HIVEP2: variants seen among roughly 807,000 people sequenced by gnomAD.
HIVEP2 encodes the protein HIVEP zinc finger 2.
A neutral mutation model predicts 180.7 loss-of-function variants in HIVEP2; 14 were observed. The ratio of observed to expected loss-of-function variants is 0.08; its 90% CI spans 0.05 to 0.12. HIVEP2 has a LOEUF of 0.12. HIVEP2 is among the 10% of genes least tolerant of loss of function. HIVEP2 has a pLI of 1.00. For synonymous variants in HIVEP2, 1,184 were observed against 1,136.4 expected (o/e 1.04, Z -0.84); for missense variants, 2,579 against 3,008.5 (o/e 0.86, Z 3.34).
chr6:142,812,015 T>C (rs1400545116), intron 2 of HIVEP2, among the ~76,000 whole-genome samples: 1 of 152,132 alleles, frequency 6.6e-6, no homozygotes, highest in Non-Finnish European at 1.5e-5. Context: ...AACTCTACAA[T>C]TGCCCCAGCA....
At chr6:142,930,110 A>C (rs775709327) in intron 1 of HIVEP2, among the ~76,000 whole-genome samples, 1 of 152,208 alleles carries the variant, frequency 6.6e-6, no homozygotes, top group Non-Finnish European at 1.5e-5. Context: ...TCTGAGGTCC[A>C]CATCCTATTT....
At chr6:142,822,743 G>A (rs1477398649) in intron 2 of HIVEP2, among the ~76,000 whole-genome samples, 1 of 152,104 alleles carries the variant, frequency 6.6e-6, no homozygotes. Flanking sequence ...GATTCACAAA[G>A]AGAAATAAAG....
At chr6:142,882,779 C>T (rs949436336) in intron 1 of HIVEP2, among the ~76,000 whole-genome samples, 10 of 152,054 alleles carry the variant, frequency 6.6e-5, no homozygotes, top group South Asian at 2.1e-4. Context: ...ATAACGCTGG[C>T]GTAATGTACC....
At chr6:142,797,548 G>A (rs1776306631) in intron 2 of HIVEP2, among the ~76,000 whole-genome samples, 2 of 152,020 alleles carry the variant, frequency 1.3e-5, no homozygotes, top group South Asian at 4.2e-4. Context: ...ATGTGCTTGG[G>A]GCGCCCAGAT....
chr6:142,885,657 T>C (rs1003744970), intron 1 of HIVEP2, among the ~76,000 whole-genome samples: 2 of 152,136 alleles, frequency 1.3e-5, no homozygotes, highest in African/African-American at 2.4e-5. Context: ...CAGCCTACAT[T>C]TAGACTTTCT....
intron 1 of HIVEP2, among the ~76,000 whole-genome samples, chr6:142,873,339 G>A (rs563058621): frequency 9.8e-4 from 149 of 152,250 alleles, no homozygotes; most frequent in African/African-American, 3.4e-3. Context: ...CCCAAAAGAA[G>A]TGGATACCTT....
rs939482727 is a variant in HIVEP2 at position 142,774,546 on chromosome 6, C to A, written c.193G>T (p.Gly65Cys). The stretch of plus-strand genomic sequence containing the variant: ...CTAGGGGAGGCCAGTTTCCCAGAAC[C>A]AAACAGTTGTGCTGATGCTGTGTTT... The part of the protein sequence containing the change: ...IGNTASAQLF[G>C]SGKLASPSEV... The change falls in exon 5 of 10, where the codon GGT becomes TGT. Residue 65 changes from glycine (G) to cysteine (C), a missense_variant. Physicochemically the swap from Gly to Cys is radical, Grantham distance 159. Around this residue, in one of 11 missense-constraint regions of HIVEP2, gnomAD observed 207 missense variants for 210.1 expected, o/e 0.99. Coordinates refer to ENST00000367603, the MANE Select transcript of HIVEP2 (RefSeq NM_006734.4). This position sits in a 1 kb window ranked among gnomAD's most constrained non-coding sequence, Gnocchi z 5.1. 2 of 1,614,202 alleles carry A rather than the reference C, an allele frequency of 1.2e-6. No individual in the cohort carries two copies. Among genetic ancestry groups the A allele is most frequent in the South Asian group, 1.1e-5 (1 of 91,082 alleles).
At position 142,760,813 on chromosome 6, in the gene HIVEP2, A is replaced by G. The variant is rs1775212621; in HGVS notation, c.5621-146T>C. 4 of 619,058 alleles carry G rather than the reference A, an allele frequency of 6.5e-6. No homozygotes were observed. The Admixed American group carries it at 9.3e-5, about 14-fold the overall frequency. 38.3% of individuals were successfully genotyped at this position (619,058 alleles called of 1,614,324 possible). A position where few individuals can be genotyped will look rare whatever the true frequency, so the allele number is the denominator to read the frequency against. Reference sequence around the variant, plus strand: ...TCTGAGAACTCCTATAAAATGAGGCACTTACCTGTGTGACCCTGCGTTCAT... The same window carrying G: ...TCTGAGAACTCCTATAAAATGAGGCGCTTACCTGTGTGACCCTGCGTTCAT... On this transcript the variant is annotated intron_variant, in intron 8 of 9. Coordinates refer to ENST00000367603, the MANE Select transcript of HIVEP2 (RefSeq NM_006734.4).
chr6:142,899,438 C>G (rs570676051), intron 1 of HIVEP2, among the ~76,000 whole-genome samples: 1 of 152,312 alleles, frequency 6.6e-6, no homozygotes, highest in African/African-American at 2.4e-5. Context: ...CAGACTGCAG[C>G]CTTCACTTCT....
intron 1 of HIVEP2, among the ~76,000 whole-genome samples, chr6:142,930,582 A>G (rs1356724793): frequency 6.6e-6 from 1 of 152,208 alleles, no homozygotes; most frequent in Non-Finnish European, 1.5e-5. Context: ...TCTCTGGACA[A>G]TAACAAGATG....
At chr6:142,815,192 TG>T (rs763696715) in intron 2 of HIVEP2, among the ~76,000 whole-genome samples, 11 of 152,190 alleles carry the variant, frequency 7.2e-5, no homozygotes, top group Non-Finnish European at 1.5e-4. Flanking sequence ...ACTGTTGCAC[TG>T]GGGATTAAGT....
chr6:142,855,644 G>A (rs117926366), intron 1 of HIVEP2, among the ~76,000 whole-genome samples: 3,805 of 152,282 alleles, frequency 0.025, 71 homozygotes, highest in Non-Finnish European at 0.04. Context: ...GCTGAGATAG[G>A]TTTTGTTCAT....
Position 142,771,682 on chromosome 6 carries a change from T to A in HIVEP2, c.3057A>T (p.Pro1019=), listed in dbSNP as rs746583829. ...VPAGSYSLSV[P]GHHHQKEMRR... ...GCATCTCTTTCTGGTGGTGATGGCC[T>A]GGGACAGACAATGAGTATGAACCAG... The change falls in exon 5 of 10, where the codon CCA becomes CCT. Residue 1019 remains proline (P), a synonymous_variant. Transcript: ENST00000367603. This position sits in a 1 kb window ranked among gnomAD's most constrained non-coding sequence, Gnocchi z 5.4. 11 of 1,614,214 alleles carry A rather than the reference T, an allele frequency of 6.8e-6. No individual in the cohort carries two copies.
At chr6:142,866,673 C>T (rs1176978742) in intron 1 of HIVEP2, among the ~76,000 whole-genome samples, 2 of 152,082 alleles carry the variant, frequency 1.3e-5, no homozygotes, top group Admixed American at 6.6e-5. Context: ...CTAAGGACAA[C>T]GAGGAGAATT....
chr6:142,814,183 T>C (rs898232741), intron 2 of HIVEP2, among the ~76,000 whole-genome samples: 3 of 152,182 alleles, frequency 2.0e-5, no homozygotes, highest in South Asian at 2.1e-4. Context: ...GTTCATCTAA[T>C]AGAGAAATTG....
intron 9 of HIVEP2, among the ~76,000 whole-genome samples, chr6:142,754,417 G>T (rs191280418): frequency 6.6e-6 from 1 of 152,152 alleles, no homozygotes; most frequent in East Asian, 1.9e-4. Context: ...TATATAATTG[G>T]AATGACAAGT....
rs184727064 is a variant in HIVEP2 at position 142,791,679 on chromosome 6, T to G, written c.-527-8064A>C. 9.0e-3 allele frequency among the ~76,000 whole-genome samples: 1,366 copies of G among 152,302 alleles called. 17 individuals are homozygous for G. Among genetic ancestry groups the G allele is most frequent in the Non-Finnish European group, 0.011 (753 of 68,022 alleles). On this transcript the variant is annotated intron_variant, in intron 2 of 9. Coordinates refer to ENST00000367603, the MANE Select transcript of HIVEP2 (RefSeq NM_006734.4). Reference sequence around the variant, plus strand: ...AATAAAACATTACTAAAATGCAAACTTCATATTTCTTTGAGTTTGAATCCA... The same window carrying G: ...AATAAAACATTACTAAAATGCAAACGTCATATTTCTTTGAGTTTGAATCCA...
At chr6:142,777,688 A>T (rs892986689) in intron 3 of HIVEP2, among the ~76,000 whole-genome samples, 2 of 123,254 alleles carry the variant, frequency 1.6e-5, no homozygotes, top group Admixed American at 8.1e-5. Context: ...AAAAAAAAAA[A>T]GTGGAACCTG....
chr6:142,759,492 C>T (rs892437910), intron 9 of HIVEP2, among the ~76,000 whole-genome samples: 14 of 152,168 alleles, frequency 9.2e-5, no homozygotes, highest in African/African-American at 2.4e-4. Context: ...CTTCAGCTTA[C>T]GTCTATCATT....
Sources: allele counts gnomAD v4.1 joint callset (sites outside exome capture counted in the v4.1 genomes callset), GRCh38; gene constraint gnomAD v4.1.1; regional missense constraint gnomAD v4.1.1; non-coding constraint Gnocchi (gnomAD v3.1); transcripts MANE v1.5; gene names NCBI Gene and HGNC (gene_info 2026-07-23, HGNC 2026-07-21).